NR3C2: variants seen among roughly 807,000 people sequenced by gnomAD.
The protein encoded by NR3C2 is mineralocorticoid receptor.
A neutral mutation model predicts 86.4 loss-of-function variants in NR3C2; 15 were observed. The observed-to-expected ratio is 0.17, with a 90% CI of 0.12 to 0.27. The LOEUF (loss-of-function observed/expected upper bound fraction) is 0.27. NR3C2 is among the 10% of genes least tolerant of loss of function. The pLI, the probability that NR3C2 is intolerant of heterozygous loss-of-function variation, is 1.00. For missense variants in NR3C2, 960 were observed against 1,195.6 expected, an observed-to-expected ratio of 0.80 and a Z score of 2.91; for synonymous variants, 458 against 450.5, an observed-to-expected ratio of 1.02 and a Z score of -0.21.
At position 148,110,590 on chromosome 4, in the gene NR3C2, G is replaced by A. The variant is rs1289212881; in HGVS notation, c.2799+3514C>T. 2.6e-5 allele frequency among the ~76,000 whole-genome samples: 4 copies of A among 152,122 alleles called. No individual in the cohort carries two copies. In the South Asian group the frequency reaches 8.3e-4, roughly 31 times the overall value. ...CTGAGTAAGTGTGAATGTTAGAAAG[G>A]TCCCTCTAGACTTAAAATGCATTTT... On this transcript the variant is annotated intron_variant, in intron 8 of 8. Coordinates refer to ENST00000358102, the MANE Select transcript of NR3C2 (RefSeq NM_000901.5).
At chr4:148,139,282 G>A (rs1021452521) in intron 6 of NR3C2, among the ~76,000 whole-genome samples, 3 of 152,178 alleles carry the variant, frequency 2.0e-5, no homozygotes, top group Non-Finnish European at 4.4e-5. Flanking sequence ...AGACACCTGT[G>A]TTCAAAACTT....
rs781075063 is a variant in NR3C2 at position 148,152,474 on chromosome 4, A to G, written c.2505T>C (p.Phe835=). ...QFLYFAPDLV[F]NEEKMHQSAM... ...GCTAATTAATAGGTACTTACTCATT[A>G]AAGACTAGGTCTGGTGCAAAATAGA... Residue 835 remains phenylalanine, a synonymous_variant, in exon 6 of 9, where the codon TTT becomes TTC. Transcript: ENST00000358102. The G allele has an allele frequency of 1.2e-5, 19 of 1,613,928 alleles. No individual in the cohort carries two copies. Among genetic ancestry groups the G allele is most frequent in the South Asian group, 6.6e-5 (6 of 91,068 alleles).
At chr4:148,335,113 A>G (rs1357474368) in intron 2 of NR3C2, among the ~76,000 whole-genome samples, 1 of 152,140 alleles carries the variant, frequency 6.6e-6, no homozygotes, top group Non-Finnish European at 1.5e-5. Flanking sequence ...ACAAGGTCAC[A>G]TTTGATATAT....
intron 8 of NR3C2, among the ~76,000 whole-genome samples, chr4:148,081,959 A>C (rs1730583174): frequency 1.3e-5 from 2 of 152,320 alleles, no homozygotes; most frequent in East Asian, 3.9e-4. Context: ...AGCAGGACAG[A>C]GCACTGCACA....
At chr4:148,397,955 T>A (rs73857005) in intron 2 of NR3C2, among the ~76,000 whole-genome samples, 1 of 152,190 alleles carries the variant, frequency 6.6e-6, no homozygotes, top group African/African-American at 2.4e-5. Context: ...CCACACTCCC[T>A]CTGAAGGCTC....
chr4:148,314,750 A>C (rs952745296), intron 2 of NR3C2, among the ~76,000 whole-genome samples: 6 of 152,200 alleles, frequency 3.9e-5, no homozygotes, highest in Admixed American at 3.9e-4. Flanking sequence ...GGAAAATTGA[A>C]ATTGAAAGAC....
intron 3 of NR3C2, among the ~76,000 whole-genome samples, chr4:148,196,246 A>G (rs1736436957): frequency 6.6e-6 from 1 of 152,216 alleles, no homozygotes; most frequent in Admixed American, 6.5e-5. Context: ...GGGGACTGTC[A>G]TTAATTAAAA....
chr4:148,420,903 C>T (rs1749249823), intron 2 of NR3C2, among the ~76,000 whole-genome samples: 1 of 152,188 alleles, frequency 6.6e-6, no homozygotes, highest in Admixed American at 6.5e-5. Flanking sequence ...TGCAAGTTTC[C>T]TGAGGCCTCC....
intron 2 of NR3C2, among the ~76,000 whole-genome samples, chr4:148,369,955 C>A (rs61762848): frequency 8.3e-4 from 127 of 152,300 alleles, no homozygotes; most frequent in Non-Finnish European, 1.3e-3. Flanking sequence ...CCAAGTGCCA[C>A]CTTTTTAGAA....
intron 2 of NR3C2, among the ~76,000 whole-genome samples, chr4:148,341,481 G>C (rs1012721206): frequency 2.0e-5 from 3 of 152,124 alleles, no homozygotes; most frequent in African/African-American, 7.2e-5. Flanking sequence ...ACGAAGAGAG[G>C]TTGGTTAATG....
chr4:148,411,800 G>A (rs535122961), intron 2 of NR3C2, among the ~76,000 whole-genome samples: 29 of 152,268 alleles, frequency 1.9e-4, no homozygotes, highest in African/African-American at 7.0e-4. Context: ...AGACTTCAGT[G>A]TTGCTAGAAT....
At chr4:148,359,972 G>A (rs954091153) in intron 2 of NR3C2, among the ~76,000 whole-genome samples, 7 of 152,184 alleles carry the variant, frequency 4.6e-5, no homozygotes, top group African/African-American at 1.2e-4. Flanking sequence ...AGTGGTGGAG[G>A]AGCAACCCCG....
chr4:148,409,509 T>C (rs1197175071), intron 2 of NR3C2, among the ~76,000 whole-genome samples: 1 of 152,124 alleles, frequency 6.6e-6, no homozygotes, highest in Non-Finnish European at 1.5e-5. Context: ...TGTCAAAACT[T>C]TTAAACCTAA....
intron 6 of NR3C2, among the ~76,000 whole-genome samples, chr4:148,128,433 T>C (rs1318455417): frequency 6.6e-6 from 1 of 152,208 alleles, no homozygotes; most frequent in East Asian, 1.9e-4. Context: ...TTGACAGAAG[T>C]AGATATTTGA....
intron 2 of NR3C2, among the ~76,000 whole-genome samples, chr4:148,372,764 AT>A (rs1043340728): frequency 1.3e-5 from 2 of 152,216 alleles, no homozygotes; most frequent in Non-Finnish European, 2.9e-5. Context: ...TTATAGCATG[AT>A]TTTAAGGGAT....
At chr4:148,397,955 T>G (rs73857005) in intron 2 of NR3C2, among the ~76,000 whole-genome samples, 5,117 of 152,296 alleles carry the variant, frequency 0.034, 282 homozygotes, top group African/African-American at 0.11. Context: ...CCACACTCCC[T>G]CTGAAGGCTC....
At chr4:148,230,523 CT>C (rs1738407555) in intron 3 of NR3C2, among the ~76,000 whole-genome samples, 1 of 152,168 alleles carries the variant, frequency 6.6e-6, no homozygotes, top group African/African-American at 2.4e-5. Flanking sequence ...CATTGCTCTT[CT>C]CTTGTATTAG....
At position 148,436,745 on chromosome 4, in the gene NR3C2, T is replaced by G; in HGVS notation, c.116A>C (p.Glu39Ala). 3 of 1,614,174 alleles carry G rather than the reference T, an allele frequency of 1.9e-6. No homozygotes were observed. Among genetic ancestry groups the G allele is most frequent in the Non-Finnish European group, 1.7e-6 (2 of 1,180,002 alleles). The part of the protein sequence containing the change: ...SSLGPTERTD[E>A]NNYMEIVNVS... Reference sequence around the variant, plus strand: ...GTTGACAATCTCCATGTAGTTATTCTCATCGGTCCTCTCTGTAGGTCCCAG... The same window carrying G: ...GTTGACAATCTCCATGTAGTTATTCGCATCGGTCCTCTCTGTAGGTCCCAG... The change falls in exon 2 of 9, where the codon GAG becomes GCG. Residue 39 changes from glutamate to alanine, a missense_variant. Glu to Ala is a moderately radical substitution (Grantham distance 107). Around this residue, in one of 4 missense-constraint regions of NR3C2, gnomAD observed 680 missense variants for 719.0 expected, o/e 0.95. Coordinates refer to ENST00000358102, the MANE Select transcript of NR3C2 (RefSeq NM_000901.5).
At chr4:148,400,672 G>A (rs1748109183) in intron 2 of NR3C2, among the ~76,000 whole-genome samples, 2 of 151,102 alleles carry the variant, frequency 1.3e-5, no homozygotes, top group African/African-American at 2.4e-5. Flanking sequence ...CCAGCTACTC[G>A]GGAGAATAGG....
Sources: gnomAD v4.1 joint callset for allele counts (sites outside exome capture counted in the v4.1 genomes callset) on GRCh38, gnomAD v4.1.1 for gene constraint, gnomAD v4.1.1 regional missense constraint, MANE v1.5 for transcripts, NCBI Gene and HGNC (gene_info 2026-07-23, HGNC 2026-07-21) for gene names.